Variants in CDC14A observed in about 807,000 individuals in gnomAD.
CDC14A encodes the protein cell division cycle 14A.
A neutral mutation model predicts 74.4 loss-of-function variants in CDC14A; 53 were observed. The ratio of observed to expected loss-of-function variants is 0.71; its 90% CI spans 0.57 to 0.89. The LOEUF is 0.89. Among genes scored for constraint, CDC14A ranks in the 40% least tolerant of loss-of-function variants. CDC14A has a pLI of 0.00. For synonymous variants in CDC14A, 247 were observed against 258.4 expected (o/e 0.96, Z 0.43); for missense variants, 646 against 713.7 (o/e 0.91, Z 1.08).
At chr1:100,510,106 T>C (rs948485957) in intron 15 of CDC14A, among the ~76,000 whole-genome samples, 2 of 152,220 alleles carry the variant, frequency 1.3e-5, no homozygotes, top group African/African-American at 2.4e-5. Flanking sequence ...CATATCGTTT[T>C]GTCCTCATCA....
intron 15 of CDC14A, among the ~76,000 whole-genome samples, chr1:100,502,460 T>C (rs1302208525): frequency 6.6e-6 from 1 of 152,236 alleles, no homozygotes; most frequent in South Asian, 2.1e-4. Flanking sequence ...GGTTATACCA[T>C]TTAGCTCAGG....
At chr1:100,378,590 G>A (rs1655638064) in intron 3 of CDC14A, among the ~76,000 whole-genome samples, 1 of 152,148 alleles carries the variant, frequency 6.6e-6, no homozygotes, top group East Asian at 1.9e-4. Context: ...AGAATATGTT[G>A]TATCCTTATG....
intron 2 of CDC14A, among the ~76,000 whole-genome samples, chr1:100,372,190 ATCT>A (rs1654575651): frequency 1.3e-5 from 2 of 152,214 alleles, no homozygotes; most frequent in Non-Finnish European, 2.9e-5. Context: ...GCAAGTTGTA[ATCT>A]TCTTGCTGGT....
chr1:100,452,574 A>C (rs1466839240), intron 7 of CDC14A, among the ~76,000 whole-genome samples: 1 of 152,232 alleles, frequency 6.6e-6, no homozygotes, highest in Non-Finnish European at 1.5e-5. Context: ...TGAGTGCACC[A>C]GGAGAGTGAG....
chr1:100,462,171 T>C (rs1350971112), intron 8 of CDC14A, among the ~76,000 whole-genome samples: 1 of 152,238 alleles, frequency 6.6e-6, no homozygotes, highest in Non-Finnish European at 1.5e-5. Flanking sequence ...TTGTGACTTG[T>C]ACATAGTAGG....
intron 2 of CDC14A, among the ~76,000 whole-genome samples, chr1:100,365,305 A>G (rs1335055713): frequency 6.6e-6 from 1 of 152,252 alleles, no homozygotes; most frequent in African/African-American, 2.4e-5. Context: ...ACCCAGACCC[A>G]ATGCACTGAG....
At chr1:100,487,823 C>A (rs980342679) in intron 11 of CDC14A, among the ~76,000 whole-genome samples, 3 of 152,158 alleles carry the variant, frequency 2.0e-5, no homozygotes, top group Non-Finnish European at 4.4e-5. Flanking sequence ...CTAGGTTAGG[C>A]TCCCTGCTCC....
At chr1:100,360,743 A>T (rs1252300748) in intron 2 of CDC14A, among the ~76,000 whole-genome samples, 1 of 152,218 alleles carries the variant, frequency 6.6e-6, no homozygotes, top group Non-Finnish European at 1.5e-5. Context: ...CATTCGGTGT[A>T]GAGTTGATCT....
intron 3 of CDC14A, among the ~76,000 whole-genome samples, chr1:100,378,201 C>A (rs17122341): frequency 0.29 from 43,912 of 151,860 alleles, 8,889 homozygotes; most frequent in African/African-American, 0.58. Flanking sequence ...ATCTGGTTTC[C>A]TTTTCTGTAC....
chr1:100,492,657 T>G (rs1442761649), intron 11 of CDC14A, among the ~76,000 whole-genome samples: 1 of 152,258 alleles, frequency 6.6e-6, no homozygotes, highest in Non-Finnish European at 1.5e-5. Context: ...TGTCCTAGAC[T>G]TAATTGCCTT....
intron 4 of CDC14A, 92 bp from the exon 5 acceptor site, chr1:100,424,130 C>A: frequency 2.2e-6 from 2 of 889,506 alleles, no homozygotes; most frequent in Non-Finnish European, 3.8e-6. Flanking sequence ...ACAGCTGTCA[C>A]TCAAAGTGGA....
chr1:100,517,815 C>T (rs1265562078), intron 15 of CDC14A, among the ~76,000 whole-genome samples: 1 of 152,180 alleles, frequency 6.6e-6, no homozygotes, highest in Non-Finnish European at 1.5e-5. Context: ...GCTAATTCTA[C>T]TGCATTAGAA....
chr1:100,467,422 C>CATAT (rs1459049462), intron 9 of CDC14A, among the ~76,000 whole-genome samples: 3 of 92,838 alleles, frequency 3.2e-5, no homozygotes, highest in Non-Finnish European at 6.7e-5. Flanking sequence ...CACACACACG[C>CATAT]ATATGCACAC....
chr1:100,512,640 A>G (rs1010857694), intron 15 of CDC14A, among the ~76,000 whole-genome samples: 2 of 152,214 alleles, frequency 1.3e-5, no homozygotes, highest in African/African-American at 4.8e-5. Context: ...ATTGTTGAAA[A>G]GCATATATTA....
rs1454429862 is a variant in CDC14A, at chr1:100,390,818, C to T, written c.303C>T (p.Ala101=). 6.2e-7 allele frequency: 1 copy of T among 1,603,242 alleles called. No individual in the cohort carries two copies. Among genetic ancestry groups the T allele is most frequent in the African/African-American group, 1.3e-5 (1 of 74,670 alleles). Reference sequence around the variant, plus strand: ...CAAATGCAGCATTTTTGATAGGTGCCTATGCAGTAAGTACCTTCTTCATGA... The same window carrying T: ...CAAATGCAGCATTTTTGATAGGTGCTTATGCAGTAAGTACCTTCTTCATGA... ...KRANAAFLIG[A]YAVIYLKKTP... is the part of the protein sequence containing the mutation. The change falls in exon 4 of 16, where the codon GCC becomes GCT. Residue 101 remains alanine, a synonymous_variant. Coordinates refer to ENST00000336454, the MANE Select transcript of CDC14A (RefSeq NM_003672.4).
intron 10 of CDC14A, among the ~76,000 whole-genome samples, chr1:100,475,414 T>A (rs1438703888): frequency 6.6e-6 from 1 of 152,276 alleles, no homozygotes; most frequent in African/African-American, 2.4e-5. Context: ...AGCGATCATC[T>A]CTTTTCATTC....
chr1:100,404,003 A>G (rs1454512702), intron 4 of CDC14A, among the ~76,000 whole-genome samples: 5 of 152,196 alleles, frequency 3.3e-5, no homozygotes, highest in Admixed American at 3.3e-4. Flanking sequence ...ATTTCAAGAA[A>G]TGTTTTCTAT....
At chr1:100,458,157 A>G (rs1021415482) in intron 8 of CDC14A, among the ~76,000 whole-genome samples, 1 of 152,186 alleles carries the variant, frequency 6.6e-6, no homozygotes, top group Admixed American at 6.5e-5. Flanking sequence ...TTTATTTTAT[A>G]GAAGAGAAGC....
rs5026964 is a variant in CDC14A at position 100,492,860 on chromosome 1, G to A, written c.1138-1958G>A. ...CCCTGCTGTGTGTGTGTGTGTGTGT[G>A]TGTATGTGTGTGTGTGTGTGGGTAT... On this transcript the variant is annotated intron_variant, in intron 11 of 15. Coordinates refer to ENST00000336454, the MANE Select transcript of CDC14A (RefSeq NM_003672.4). Among the ~76,000 whole-genome samples the A allele has an allele frequency of 2.0e-3, 234 of 118,834 alleles. 3 individuals carry two copies. The highest frequency in any genetic ancestry group is 2.9e-3 in the Non-Finnish European group (159 of 54,240). The allele number at this position is 118,834 out of a possible 152,430, so 78.0% of individuals were successfully genotyped here.
Sources: allele counts gnomAD v4.1 joint callset (sites outside exome capture counted in the v4.1 genomes callset), GRCh38; gene constraint gnomAD v4.1.1; transcripts MANE v1.5; gene names NCBI Gene and HGNC (gene_info 2026-07-23, HGNC 2026-07-21).